NEK6: variants seen among roughly 807,000 people sequenced by gnomAD.
NEK6 encodes the protein serine/threonine-protein kinase Nek6.
A neutral mutation model predicts 43.5 loss-of-function variants in NEK6; 27 were observed. The observed-to-expected ratio is 0.62, with a 90% confidence interval of 0.46 to 0.86. The LOEUF is 0.86. Among genes scored for constraint, NEK6 ranks in the 40% least tolerant of loss-of-function variants. NEK6 has a pLI of 0.00. For missense variants in NEK6, 318 were observed against 414.4 expected, an observed-to-expected ratio of 0.77 and a Z score of 2.02; for synonymous variants, 167 against 164.1, an observed-to-expected ratio of 1.02 and a Z score of -0.14.
intron 2 of NEK6, among the ~76,000 whole-genome samples, chr9:124,306,489 T>C (rs1564635112): frequency 1.3e-5 from 2 of 152,112 alleles, no homozygotes; most frequent in South Asian, 2.1e-4. Flanking sequence ...ATGGTGGTGT[T>C]TGTACCAACA....
intron 1 of NEK6, among the ~76,000 whole-genome samples, chr9:124,265,229 A>G (rs1831183931): frequency 6.6e-6 from 1 of 152,180 alleles, no homozygotes; most frequent in Non-Finnish European, 1.5e-5. Context: ...AAAATGTTAA[A>G]CATAAAAGTT....
chr9:124,333,369 C>A (rs1206054069), intron 7 of NEK6, among the ~76,000 whole-genome samples: 1 of 152,110 alleles, frequency 6.6e-6, no homozygotes, highest in Non-Finnish European at 1.5e-5. Context: ...ACCCTGCCCC[C>A]CAGTGAGACA....
At chr9:124,320,480 T>G (rs1368075235) in intron 4 of NEK6, among the ~76,000 whole-genome samples, 1 of 152,212 alleles carries the variant, frequency 6.6e-6, no homozygotes, top group East Asian at 1.9e-4. Context: ...TTGGGAAATG[T>G]GCTCACTATC....
intron 2 of NEK6, among the ~76,000 whole-genome samples, chr9:124,309,369 T>C (rs531480923): frequency 6.6e-6 from 1 of 152,320 alleles, no homozygotes; most frequent in African/African-American, 2.4e-5. Flanking sequence ...CTGCACGGTG[T>C]AGCCTCCCAG....
At chr9:124,291,849 AG>A (rs1179369903) in intron 1 of NEK6, 1 of 985,346 alleles carries the variant, frequency 1.0e-6, no homozygotes, top group African/African-American at 1.7e-5. Flanking sequence ...TTCACTTTGG[AG>A]GTGGCAGCCG....
chr9:124,325,625 T>C (rs1178097104), intron 5 of NEK6, among the ~76,000 whole-genome samples: 1 of 152,256 alleles, frequency 6.6e-6, no homozygotes, highest in Non-Finnish European at 1.5e-5. Flanking sequence ...TGTCACATGC[T>C]CTGGGCCTGC....
chr9:124,289,251 T>C (rs1832306029), intron 1 of NEK6, among the ~76,000 whole-genome samples: 1 of 136,172 alleles, frequency 7.3e-6, no homozygotes, highest in Non-Finnish European at 1.5e-5. Context: ...CATCTGCTCC[T>C]TCGCTGAGGG....
chr9:124,345,308 T>C (rs1297081881), intron 8 of NEK6, among the ~76,000 whole-genome samples: 1 of 152,194 alleles, frequency 6.6e-6, no homozygotes, highest in Admixed American at 6.5e-5. Context: ...AGCCCAGAGC[T>C]TTCTTCACAG....
At chr9:124,321,390 TGGCA>T in intron 4 of NEK6, 65 bp from the exon 5 acceptor site, 1 of 975,372 alleles carries the variant, frequency 1.0e-6, no homozygotes, top group Non-Finnish European at 1.6e-6. Context: ...AGGGTGCCGG[TGGCA>T]GGCAGGCACT....
intron 7 of NEK6, among the ~76,000 whole-genome samples, chr9:124,338,945 C>T (rs1564658847): frequency 5.8e-3 from 4 of 692 alleles, no homozygotes; most frequent in Admixed American, 0.091. Flanking sequence ...TTCCCCCAGC[C>T]GGGCCGAGGA....
chr9:124,295,663 A>G (rs1168602567), intron 1 of NEK6, among the ~76,000 whole-genome samples: 1 of 152,162 alleles, frequency 6.6e-6, no homozygotes, highest in Non-Finnish European at 1.5e-5. Context: ...AGGGGTCTGT[A>G]AGTGTGAACG....
rs1834356650 is a variant in NEK6, at chr9:124,326,684, C to A, written c.514+246C>A. On this transcript the variant is annotated intron_variant, in intron 6 of 9. Coordinates refer to ENST00000320246, the MANE Select transcript of NEK6 (RefSeq NM_014397.6). This position sits in a 1 kb window ranked among gnomAD's most constrained non-coding sequence, Gnocchi z 4.5. ...CGCTTGGCACACCACTTCCAGTTCCCCACAGCAGCCTGGGAGGGAGGTCGA... is the reference window on the plus strand; with the variant it reads ...CGCTTGGCACACCACTTCCAGTTCCACACAGCAGCCTGGGAGGGAGGTCGA... Among the ~76,000 whole-genome samples the A allele has an allele frequency of 6.6e-6, 1 of 152,196 alleles. No individual in the cohort carries two copies. Among genetic ancestry groups the A allele is most frequent in the Non-Finnish European group, 1.5e-5 (1 of 68,026 alleles).
intron 1 of NEK6, among the ~76,000 whole-genome samples, chr9:124,258,780 A>G (rs1406094658): frequency 6.6e-6 from 1 of 152,206 alleles, no homozygotes; most frequent in East Asian, 1.9e-4. Flanking sequence ...GCTGGGCCTG[A>G]CAGAGGCAAA....
At chr9:124,313,094 C>G (rs1307145147) in intron 3 of NEK6, among the ~76,000 whole-genome samples, 1 of 152,186 alleles carries the variant, frequency 6.6e-6, no homozygotes, top group Non-Finnish European at 1.5e-5. Flanking sequence ...GGAAGTAGGT[C>G]AAGCGGCAAA....
intron 1 of NEK6, among the ~76,000 whole-genome samples, chr9:124,301,047 C>G (rs769039048): frequency 6.6e-5 from 10 of 152,180 alleles, no homozygotes; most frequent in Non-Finnish European, 1.2e-4. Context: ...TGCAGAAATG[C>G]TTGTGGGGTG....
At chr9:124,336,995 CAAAA>C (rs61536283) in intron 7 of NEK6, among the ~76,000 whole-genome samples, 5 of 127,492 alleles carry the variant, frequency 3.9e-5, no homozygotes, top group Admixed American at 1.5e-4. Flanking sequence ...GACTCTGTCT[CAAAA>C]AAAAAAAAAA....
At chr9:124,263,336 C>T (rs563316102) in intron 1 of NEK6, among the ~76,000 whole-genome samples, 17 of 152,286 alleles carry the variant, frequency 1.1e-4, no homozygotes, top group South Asian at 6.2e-4. Context: ...GGGAGCAAGG[C>T]GCTCCCCCAC....
intron 2 of NEK6, among the ~76,000 whole-genome samples, chr9:124,304,298 G>A (rs1277283362): frequency 1.3e-5 from 2 of 152,228 alleles, no homozygotes; most frequent in Non-Finnish European, 2.9e-5. Flanking sequence ...AATGGGCCAG[G>A]CATTTTCCTT....
intron 1 of NEK6, among the ~76,000 whole-genome samples, chr9:124,301,381 C>T (rs1042178302): frequency 4.6e-5 from 7 of 152,200 alleles, no homozygotes; most frequent in Non-Finnish European, 7.3e-5. Flanking sequence ...CTAAGTAGGA[C>T]GGCAAACAGG....
Sources: allele counts gnomAD v4.1 joint callset (sites outside exome capture counted in the v4.1 genomes callset), GRCh38; gene constraint gnomAD v4.1.1; non-coding constraint Gnocchi (gnomAD v3.1); transcripts MANE v1.5; gene names NCBI Gene and HGNC (gene_info 2026-07-23, HGNC 2026-07-21).